MDN1: variants seen among roughly 807,000 people sequenced by gnomAD.
MDN1 encodes the protein midasin.
A neutral mutation model predicts 669.2 loss-of-function variants in MDN1; 266 were observed. The observed-to-expected ratio is 0.40, with a 90% CI of 0.36 to 0.44. MDN1 has a LOEUF of 0.44. Among genes scored for constraint, MDN1 ranks in the 20% least tolerant of loss-of-function variants. MDN1 has a pLI of 1.00. For synonymous variants in MDN1, 2,385 were observed against 2,457.1 expected, an observed-to-expected ratio of 0.97 and a Z score of 0.87; for missense variants, 5,940 against 6,754.0, an observed-to-expected ratio of 0.88 and a Z score of 4.22.
intron 68 of MDN1, 86 bp from the exon 69 acceptor site, chr6:89,687,109 T>C: frequency 6.4e-7 from 1 of 1,558,782 alleles, no homozygotes; most frequent in Non-Finnish European, 8.7e-7. Context: ...CATGCTCACA[T>C]TTCTCTCCTC....
At chr6:89,648,591 G>A (rs1265373546) in intron 97 of MDN1, among the ~76,000 whole-genome samples, 2 of 151,984 alleles carry the variant, frequency 1.3e-5, no homozygotes, top group East Asian at 3.9e-4. Context: ...TTGAGGGCCA[G>A]GCGTGGTAGC....
chr6:89,657,385 A>G (rs1478833500), intron 90 of MDN1, among the ~76,000 whole-genome samples: 1 of 152,232 alleles, frequency 6.6e-6, no homozygotes, highest in East Asian at 1.9e-4. Flanking sequence ...CACTGTAACC[A>G]GCAGGTCCTG....
intron 71 of MDN1, 113 bp from the exon 72 acceptor site, chr6:89,684,017 T>G (rs1224805767): frequency 1.7e-5 from 13 of 765,094 alleles, no homozygotes; most frequent in Non-Finnish European, 2.6e-5. Context: ...AACACAGGAC[T>G]GTGTGTCAGT....
intron 2 of MDN1, among the ~76,000 whole-genome samples, chr6:89,799,970 G>T (rs988459911): frequency 6.6e-6 from 1 of 152,092 alleles, no homozygotes; most frequent in African/African-American, 2.4e-5. Flanking sequence ...GGAGTGGGGG[G>T]CACTGGTTGG....
At chr6:89,710,560 T>C (rs1242110523) in intron 50 of MDN1, 121 bp downstream of exon 50, 1 of 489,518 alleles carries the variant, frequency 2.0e-6, no homozygotes, top group Non-Finnish European at 3.6e-6. Context: ...CTTCTGCATA[T>C]CATGAGTCTT....
chr6:89,814,811 C>G, intron 1 of MDN1: 1 of 466,082 alleles, frequency 2.1e-6, no homozygotes, highest in Non-Finnish European at 4.3e-6. Flanking sequence ...CCTGGGTTCT[C>G]TGTGCAGACA....
At chr6:89,740,117 T>C (rs1011615127) in intron 32 of MDN1, 117 bp downstream of exon 32, 1 of 1,218,214 alleles carries the variant, frequency 8.2e-7, no homozygotes, top group Non-Finnish European at 1.1e-6. Context: ...TTTTACACTT[T>C]TTACCCACTT....
chr6:89,679,923 G>C (rs756714460), intron 74 of MDN1, among the ~76,000 whole-genome samples: 9 of 152,170 alleles, frequency 5.9e-5, no homozygotes, highest in African/African-American at 1.9e-4. Flanking sequence ...CCCTAGGCCT[G>C]AGTCACCTTG....
At chr6:89,782,809 T>C (rs1225575457) in intron 9 of MDN1, among the ~76,000 whole-genome samples, 3 of 151,926 alleles carry the variant, frequency 2.0e-5, no homozygotes, top group Admixed American at 1.3e-4. Context: ...CATGGTGGCA[T>C]GTTGCGGGAA....
At chr6:89,717,726 G>A (rs1031197437) in intron 43 of MDN1, among the ~76,000 whole-genome samples, 12 of 152,140 alleles carry the variant, frequency 7.9e-5, no homozygotes, top group African/African-American at 1.9e-4. Flanking sequence ...GTGGCCCACC[G>A]CCACAGATAA....
At chr6:89,697,296 A>G (rs1812829840) in intron 59 of MDN1, among the ~76,000 whole-genome samples, 1 of 152,236 alleles carries the variant, frequency 6.6e-6, no homozygotes, top group Non-Finnish European at 1.5e-5. Context: ...TATACTGATG[A>G]AATAGATTTG....
At chr6:89,649,133 G>A (rs1808683516) in intron 97 of MDN1, among the ~76,000 whole-genome samples, 1 of 152,016 alleles carries the variant, frequency 6.6e-6, no homozygotes, top group Non-Finnish European at 1.5e-5. Context: ...TCATATATAT[G>A]TAGTCAGATC....
chr6:89,749,246 C>A lies in MDN1; in HGVS notation c.3739G>T (p.Val1247Phe), dbSNP rs987752997. 6.2e-7 allele frequency: 1 copy of A among 1,613,982 alleles called. No individual in the cohort carries two copies. The highest frequency in any genetic ancestry group is 8.5e-7 in the Non-Finnish European group (1 of 1,179,984). ...SLPPSYCSKL[V>F]KVMLDLQSYR... ...ACCTGAAGATCCAGCATGACTTTAA[C>A]CAACTTGCTGCAATAGGAGGGTGGC... Residue 1247 changes from valine to phenylalanine, a missense_variant, in exon 26 of 102, where the codon GTT (valine) becomes TTT (phenylalanine). Coordinates refer to ENST00000369393, the MANE Select transcript of MDN1 (RefSeq NM_014611.3).
intron 52 of MDN1, 116 bp downstream of exon 52, chr6:89,707,245 C>G (rs1813574933): frequency 2.8e-6 from 2 of 703,640 alleles, no homozygotes; most frequent in South Asian, 1.8e-5. Context: ...TAAAATCAGG[C>G]CAGCAGATTA....
At chr6:89,693,986 T>C in intron 62 of MDN1, 88 bp downstream of exon 62, 5 of 1,032,004 alleles carry the variant, frequency 4.8e-6, no homozygotes, top group Non-Finnish European at 7.6e-6. Context: ...TAGAGGTGTA[T>C]ATTATCACTT....
At chr6:89,687,063 T>G in intron 68 of MDN1, 40 bp from the exon 69 acceptor site, 10 of 1,602,844 alleles carry the variant, frequency 6.2e-6, no homozygotes, top group Non-Finnish European at 8.5e-6. Context: ...TAGGAAAACC[T>G]ATTTGAAATA....
intron 32 of MDN1, among the ~76,000 whole-genome samples, 162 bp from the exon 33 acceptor site, chr6:89,738,617 C>T (rs1194484667): frequency 2.6e-5 from 4 of 152,130 alleles, no homozygotes; most frequent in Admixed American, 6.5e-5. Context: ...TGTACTTTGT[C>T]TTGACTCCTT....
At chr6:89,791,066 A>AT (rs533378829) in intron 5 of MDN1, among the ~76,000 whole-genome samples, 1 of 150,678 alleles carries the variant, frequency 6.6e-6, no homozygotes, top group African/African-American at 2.4e-5. Flanking sequence ...CAAGGATCTG[A>AT]TTTTTTTTTC....
Position 89,687,399 on chromosome 6 carries a change from T to C in MDN1, c.11395A>G (p.Lys3799Glu). 1 of 1,614,108 alleles carries C rather than the reference T, an allele frequency of 6.2e-7. No individual in the cohort carries two copies. Residue 3799 changes from lysine to glutamate, a missense_variant, in exon 68 of 102, where the codon AAA becomes GAA. Coordinates refer to ENST00000369393, the MANE Select transcript of MDN1 (RefSeq NM_014611.3). ...ATCTGACTGATCAAATCAAGATGTT[T>C]CCGCAAAGACAAAGCTCGACTTGCA... ...ENASRALSLR[K>E]HLDLISQMII...
Sources: allele counts gnomAD v4.1 joint callset (sites outside exome capture counted in the v4.1 genomes callset), GRCh38; gene constraint gnomAD v4.1.1; transcripts MANE v1.5; gene names NCBI Gene and HGNC (gene_info 2026-07-23, HGNC 2026-07-21).